Variants in GABRG3 observed in about 807,000 individuals in gnomAD.
The protein encoded by GABRG3 is gamma-aminobutyric acid type A receptor subunit gamma3, also known as gamma-aminobutyric acid receptor subunit gamma-3.
GABRG3 carries 25 observed loss-of-function variants against 48.8 expected under a neutral mutation model. The ratio of observed to expected loss-of-function variants is 0.51; its 90% CI spans 0.37 to 0.72. GABRG3 has a LOEUF of 0.72. GABRG3 is among the 30% of genes least tolerant of loss of function. The pLI is 0.00. For missense variants in GABRG3, 394 were observed against 577.9 expected, an observed-to-expected ratio of 0.68 and a Z score of 3.26; for synonymous variants, 227 against 217.6, an observed-to-expected ratio of 1.04 and a Z score of -0.38.
chr15:27,296,438 T>TGGAATATTTCA (rs1891986288), intron 3 of GABRG3, among the ~76,000 whole-genome samples: 1 of 152,132 alleles, frequency 6.6e-6, no homozygotes, highest in Admixed American at 6.5e-5. Flanking sequence ...GTAACTTTCA[T>TGGAATATTTCA]TTATTCCATA....
intron 6 of GABRG3, among the ~76,000 whole-genome samples, chr15:27,492,106 C>T (rs1890370733): frequency 6.6e-6 from 1 of 152,164 alleles, no homozygotes; most frequent in African/African-American, 2.4e-5. Context: ...AATTGCACGG[C>T]ATTGTGATTA....
At chr15:26,985,283 C>T (rs1895130480) in intron 2 of GABRG3, among the ~76,000 whole-genome samples, 1 of 152,154 alleles carries the variant, frequency 6.6e-6, no homozygotes, top group African/African-American at 2.4e-5. Flanking sequence ...GGCACTGACT[C>T]AGGATGGCTG....
intron 5 of GABRG3, among the ~76,000 whole-genome samples, chr15:27,402,138 A>G (rs1044690710): frequency 2.6e-5 from 4 of 152,244 alleles, no homozygotes; most frequent in South Asian, 2.1e-4. Flanking sequence ...TTACAATTGA[A>G]TGAATAATAT....
At chr15:27,380,350 G>A (rs1272307137) in intron 5 of GABRG3, among the ~76,000 whole-genome samples, 1 of 151,154 alleles carries the variant, frequency 6.6e-6, no homozygotes. Context: ...TTTATGGTCT[G>A]ATAATCCCAA....
intron 3 of GABRG3, among the ~76,000 whole-genome samples, chr15:27,285,903 TATG>T (rs919446826): frequency 7.9e-5 from 12 of 152,170 alleles, no homozygotes; most frequent in African/African-American, 2.2e-4. Flanking sequence ...GCTCTCGACA[TATG>T]ATGACCAATG....
At chr15:27,437,103 A>T (rs1265538166) in intron 5 of GABRG3, among the ~76,000 whole-genome samples, 2 of 151,922 alleles carry the variant, frequency 1.3e-5, no homozygotes, top group African/African-American at 4.8e-5. Context: ...CTTAGCTTGG[A>T]TAATGTTGGT....
rs1566774934 is a variant in GABRG3 at position 27,308,696 on chromosome 15, A to AAACATACGCTTATGTATAAACATATAC, written c.271-18113_271-18112insAACATACGCTTATGTATAAACATATAC. 2.0e-5 allele frequency among the ~76,000 whole-genome samples: 3 copies of AAACATACGCTTATGTATAAACATATAC among 149,478 alleles called. No individual in the cohort carries two copies. In the East Asian group the frequency reaches 6.2e-4, roughly 31 times the overall value. ...ACATACGCTTATGTATAAACATATA[A>AAACATACGCTTATGTATAAACATATAC]TGTAAACATACGTTTATATGTAAAC... is the stretch of plus-strand genomic sequence containing the variant. On this transcript the variant is annotated intron_variant, in intron 3 of 9. Coordinates refer to ENST00000615808, the MANE Select transcript of GABRG3 (RefSeq NM_033223.5).
intron 5 of GABRG3, among the ~76,000 whole-genome samples, chr15:27,411,630 G>A (rs1013390502): frequency 1.3e-5 from 2 of 151,954 alleles, no homozygotes; most frequent in African/African-American, 4.8e-5. Flanking sequence ...TTTATGGGGG[G>A]GATTTTCAAA....
At chr15:27,153,429 A>G (rs991559750) in intron 3 of GABRG3, among the ~76,000 whole-genome samples, 3 of 152,124 alleles carry the variant, frequency 2.0e-5, no homozygotes, top group African/African-American at 7.2e-5. Context: ...TGGTAGAGTG[A>G]TTCTTCCTGC....
At chr15:27,513,754 G>C (rs1451742816) in intron 6 of GABRG3, among the ~76,000 whole-genome samples, 1 of 152,006 alleles carries the variant, frequency 6.6e-6, no homozygotes, top group Admixed American at 6.6e-5. Context: ...AGGAAAACAG[G>C]ACACGAGACA....
intron 3 of GABRG3, among the ~76,000 whole-genome samples, chr15:27,062,718 C>T (rs1444601889): frequency 6.6e-6 from 1 of 152,144 alleles, no homozygotes; most frequent in Non-Finnish European, 1.5e-5. Context: ...TGTGAACAAT[C>T]CTTTAACCAG....
At chr15:27,300,268 C>T (rs1049241307) in intron 3 of GABRG3, among the ~76,000 whole-genome samples, 1 of 151,968 alleles carries the variant, frequency 6.6e-6, no homozygotes. Context: ...ATATGGAGAC[C>T]CATGGACATT....
At position 27,149,172 on chromosome 15, in the gene GABRG3, T is replaced by C. The variant is rs140225511; in HGVS notation, c.270+122351T>C. Among the ~76,000 whole-genome samples the C allele has an allele frequency of 9.7e-4, 148 of 152,194 alleles. 3 individuals are homozygous for C. In the East Asian group the frequency reaches 0.025, roughly 26 times the overall value. On this transcript the variant is annotated intron_variant, in intron 3 of 9. Transcript: ENST00000615808. ...CAAGTTGTAGGATACAAAATCAATA[T>C]AAACAGAACATATTGAATTTTATAC...
intron 3 of GABRG3, among the ~76,000 whole-genome samples, chr15:27,250,123 C>A (rs1171964642): frequency 1.3e-5 from 2 of 152,120 alleles, no homozygotes; most frequent in Non-Finnish European, 2.9e-5. Context: ...GTCGCCTCTG[C>A]TGGACTGGCC....
chr15:27,318,837 A>C (rs1224827993), intron 3 of GABRG3, among the ~76,000 whole-genome samples: 1 of 152,122 alleles, frequency 6.6e-6, no homozygotes, highest in African/African-American at 2.4e-5. Flanking sequence ...TGCTGAGTGC[A>C]GTCATTGGAA....
At chr15:27,031,101 C>G (rs1163913508) in intron 3 of GABRG3, among the ~76,000 whole-genome samples, 1 of 149,208 alleles carries the variant, frequency 6.7e-6, no homozygotes, top group Non-Finnish European at 1.5e-5. Context: ...CAACACATAA[C>G]ACATTATTAT....
At chr15:27,058,319 A>T (rs1896587153) in intron 3 of GABRG3, among the ~76,000 whole-genome samples, 1 of 152,250 alleles carries the variant, frequency 6.6e-6, no homozygotes, top group Admixed American at 6.5e-5. Flanking sequence ...TCCGCACAGC[A>T]GAGCTCAGAA....
At chr15:27,183,122 A>AC (rs1016466156) in intron 3 of GABRG3, among the ~76,000 whole-genome samples, 4 of 150,400 alleles carry the variant, frequency 2.7e-5, no homozygotes, top group Non-Finnish European at 5.9e-5. Flanking sequence ...TTTTTTTTCA[A>AC]TTTTTTTTTC....
intron 3 of GABRG3, among the ~76,000 whole-genome samples, chr15:27,111,296 T>A (rs937313462): frequency 6.6e-6 from 1 of 152,214 alleles, no homozygotes; most frequent in Non-Finnish European, 1.5e-5. Flanking sequence ...TGTCCTCTGC[T>A]TTTTCCCTGA....
Sources: allele counts gnomAD v4.1 joint callset (sites outside exome capture counted in the v4.1 genomes callset), GRCh38; gene constraint gnomAD v4.1.1; transcripts MANE v1.5; gene names NCBI Gene and HGNC (gene_info 2026-07-23, HGNC 2026-07-21).